Variants in FNDC3B observed in about 807,000 individuals in gnomAD.
FNDC3B encodes fibronectin type III domain-containing protein 3B.
Under a neutral mutation model 151.5 loss-of-function variants are expected in FNDC3B, and 12 were observed. That is an observed-to-expected ratio of 0.08 (90% CI 0.05 to 0.13). FNDC3B has a LOEUF of 0.13. Ranked by LOEUF, FNDC3B falls within the 10% of genes least tolerant of loss-of-function variation. The probability of loss-of-function intolerance (pLI) is 1.00; values close to 1 mark genes in which losing one functional copy is unlikely to be tolerated. For synonymous variants in FNDC3B, 528 were observed against 549.0 expected (o/e 0.96, Z 0.54); for missense variants, 1,214 against 1,505.3 (o/e 0.81, Z 3.20).
intron 1 of FNDC3B, among the ~76,000 whole-genome samples, chr3:172,074,448 GTTAAAAC>G (rs1214299940): frequency 6.6e-6 from 1 of 152,150 alleles, no homozygotes; most frequent in Non-Finnish European, 1.5e-5. Context: ...TTAGCACAAG[GTTAAAAC>G]TTAAAGACAT....
rs1725826839 is a variant in FNDC3B, at chr3:172,213,417, A to C, written c.188-13454A>C. ...GTCATAAACCACAGTGGTTTCTCAA[A>C]GGCAGTGATAGAGATAAGGTGATGA... is the stretch of plus-strand genomic sequence containing the variant. On this transcript the variant is annotated intron_variant, in intron 3 of 25. Coordinates refer to ENST00000415807, the MANE Select transcript of FNDC3B (RefSeq NM_022763.4). Among the ~76,000 whole-genome samples, 3 of 152,196 alleles carry C rather than the reference A, an allele frequency of 2.0e-5. No homozygotes were observed. The South Asian group carries it at 6.2e-4, about 32-fold the overall frequency.
chr3:172,281,128 C>G (rs924713302), intron 6 of FNDC3B, among the ~76,000 whole-genome samples: 20 of 151,856 alleles, frequency 1.3e-4, no homozygotes, highest in African/African-American at 4.8e-4. Context: ...AAAAACTTTC[C>G]TACCATTAAA....
intron 3 of FNDC3B, among the ~76,000 whole-genome samples, chr3:172,147,392 C>T (rs769084230): frequency 5.3e-5 from 8 of 151,988 alleles, no homozygotes; most frequent in Non-Finnish European, 1.2e-4. Context: ...GCTGTGAGCC[C>T]TGTTTTCGCA....
intron 22 of FNDC3B, 21 bp downstream of exon 22, chr3:172,353,104 A>G (rs751855290): frequency 6.2e-7 from 1 of 1,607,792 alleles, no homozygotes; most frequent in South Asian, 1.1e-5. Context: ...GGGAGTAGAA[A>G]TCTGCATCAG....
intron 1 of FNDC3B, among the ~76,000 whole-genome samples, chr3:172,087,534 G>A (rs1718608551): frequency 6.6e-6 from 1 of 152,100 alleles, no homozygotes; most frequent in Non-Finnish European, 1.5e-5. Flanking sequence ...GAAGTGATTT[G>A]AGAAGCAAGA....
At chr3:172,325,986 G>C (rs188450193) in intron 11 of FNDC3B, among the ~76,000 whole-genome samples, 24 of 152,156 alleles carry the variant, frequency 1.6e-4, no homozygotes, top group Non-Finnish European at 2.8e-4. Flanking sequence ...ACCACGCCTG[G>C]GTAATGTCTT....
In FNDC3B at chr3:172,401,665, A is replaced by T. The variant is rs988211597; in HGVS notation, c.*4190A>T. The T allele has an allele frequency of 6.0e-5, 9 of 150,654 alleles. No individual in the cohort carries two copies. Among genetic ancestry groups the T allele is most frequent in the Non-Finnish European group, 1.3e-4 (9 of 67,492 alleles). The allele number at this position is 150,654 out of a possible 1,614,324, so 9.3% of individuals were successfully genotyped here. On this transcript the variant is annotated 3_prime_UTR_variant, in exon 26 of 26. Coordinates refer to ENST00000415807, the MANE Select transcript of FNDC3B (RefSeq NM_022763.4). ...AGCAATAAAACACAGTGTTCCTGCT[A>T]TGGCCATGGTTTTGTGATTTTAGAT...
intron 25 of FNDC3B, 78 bp from the exon 26 acceptor site, chr3:172,397,086 G>A: frequency 8.8e-7 from 1 of 1,138,390 alleles, no homozygotes. Flanking sequence ...AGTGAATGGA[G>A]TGAATCTAAA....
chr3:172,043,529 TG>T (rs959879791), intron 1 of FNDC3B, among the ~76,000 whole-genome samples: 47 of 152,152 alleles, frequency 3.1e-4, no homozygotes, highest in African/African-American at 1.1e-3. Flanking sequence ...TTATTATTAT[TG>T]TTTTTTTGTA....
intron 25 of FNDC3B, 132 bp from the exon 26 acceptor site, chr3:172,397,032 T>G (rs1736324827): frequency 1.5e-6 from 1 of 674,698 alleles, no homozygotes. Context: ...AAGTACATTT[T>G]TATATCATCT....
At chr3:172,137,810 C>A (rs1721447302) in intron 3 of FNDC3B, among the ~76,000 whole-genome samples, 1 of 152,070 alleles carries the variant, frequency 6.6e-6, no homozygotes, top group Non-Finnish European at 1.5e-5. Context: ...CAAAAAAGGT[C>A]ATAGTTTATT....
intron 3 of FNDC3B, among the ~76,000 whole-genome samples, chr3:172,161,207 G>A (rs1576920937): frequency 6.6e-6 from 1 of 152,302 alleles, no homozygotes; most frequent in African/African-American, 2.4e-5. Flanking sequence ...TTGAATATTG[G>A]TGGGATGGAA....
At position 172,041,383 on chromosome 3, in the gene FNDC3B, CTT is replaced by C. The variant is rs57422289; in HGVS notation, c.-29+1616_-29+1617del. Among the ~76,000 whole-genome samples, 140 of 137,932 alleles carry C rather than the reference CTT, an allele frequency of 1.0e-3. 2 individuals carry two copies. The highest frequency in any genetic ancestry group is 3.7e-3 in the Admixed American group (50 of 13,422). 90.5% of individuals were successfully genotyped at this position (137,932 alleles called of 152,430 possible). ...GTTTTCTTTCTTTCTTTCTTTCTTT[CTT>C]TTTCTTTCTTTCTTTCTCCTTCTCT... On this transcript the variant is annotated intron_variant, in intron 1 of 25. Coordinates refer to ENST00000415807, the MANE Select transcript of FNDC3B (RefSeq NM_022763.4).
intron 6 of FNDC3B, among the ~76,000 whole-genome samples, chr3:172,256,300 T>C (rs1728344402): frequency 6.6e-6 from 1 of 152,234 alleles, no homozygotes; most frequent in African/African-American, 2.4e-5. Context: ...AGCCTGCCTG[T>C]CTCTCCAACA....
intron 6 of FNDC3B, among the ~76,000 whole-genome samples, chr3:172,266,601 A>G (rs1056440002): frequency 6.6e-6 from 1 of 152,180 alleles, no homozygotes; most frequent in Non-Finnish European, 1.5e-5. Context: ...CTCCCTCCGG[A>G]GGCTCTAGGA....
chr3:172,169,258 C>T (rs35827181), intron 3 of FNDC3B, among the ~76,000 whole-genome samples: 59,168 of 151,840 alleles, frequency 0.39, 11,910 homozygotes, highest in East Asian at 0.53. Context: ...GGGGCATACT[C>T]GAGCCCACCA....
chr3:172,067,519 CATAAA>C (rs1288210849), intron 1 of FNDC3B, among the ~76,000 whole-genome samples: 4 of 151,984 alleles, frequency 2.6e-5, no homozygotes, highest in Admixed American at 6.6e-5. Context: ...TATAGAAGAT[CATAAA>C]ATAAAAGTAC....
intron 6 of FNDC3B, 47 bp downstream of exon 6, chr3:172,251,588 C>T (rs1728084331): frequency 6.6e-7 from 1 of 1,512,518 alleles, no homozygotes; most frequent in Non-Finnish European, 8.9e-7. Flanking sequence ...AAGACAGAGA[C>T]ATCTCAAATG....
intron 10 of FNDC3B, 74 bp from the exon 11 acceptor site, chr3:172,310,754 G>A (rs1166472961): frequency 9.4e-7 from 1 of 1,063,926 alleles, no homozygotes. Flanking sequence ...GACACTGTAT[G>A]TGAGCCAGGT....
Sources: allele counts gnomAD v4.1 joint callset (sites outside exome capture counted in the v4.1 genomes callset), GRCh38; gene constraint gnomAD v4.1.1; transcripts MANE v1.5; gene names NCBI Gene and HGNC (gene_info 2026-07-23, HGNC 2026-07-21).